Variants in FRMPD4 observed in about 807,000 individuals in gnomAD.
The protein encoded by FRMPD4 is FERM and PDZ domain containing 4.
Under a neutral mutation model 94.1 loss-of-function variants are expected in FRMPD4, and 22 were observed. The observed-to-expected ratio is 0.23, with a 90% confidence interval of 0.17 to 0.33. The LOEUF is 0.33. Ranked by LOEUF, FRMPD4 falls within the 10% of genes least tolerant of loss-of-function variation. The pLI is 1.00. For synonymous variants in FRMPD4, 631 were observed against 548.6 expected (o/e 1.15, Z -2.10); for missense variants, 1,111 against 1,339.9 (o/e 0.83, Z 2.67).
At chrX:11,962,856 A>T (rs2054290612) in intron 3 of FRMPD4, among the ~76,000 whole-genome samples, 1 of 111,687 alleles carries the variant, frequency 9.0e-6, no homozygotes, top group Non-Finnish European at 1.9e-5. Flanking sequence ...TACCTGGCAT[A>T]GCTCCTTTTG....
intron 2 of FRMPD4, among the ~76,000 whole-genome samples, chrX:12,540,186 G>A (rs1308836326): frequency 1.8e-5 from 2 of 111,752 alleles, no homozygotes; most frequent in Admixed American, 9.5e-5. Flanking sequence ...ATCAACTAAC[G>A]AGCAAAATAA....
chrX:12,019,933 G>A (rs1427247009), intron 3 of FRMPD4, among the ~76,000 whole-genome samples: 2 of 111,951 alleles, frequency 1.8e-5, no homozygotes, highest in Non-Finnish European at 3.8e-5. Context: ...TAATCCTCAC[G>A]ACAATCTGTG....
intron 1 of FRMPD4, among the ~76,000 whole-genome samples, chrX:11,848,399 G>C (rs2053595834): frequency 9.0e-6 from 1 of 111,561 alleles, no homozygotes; most frequent in African/African-American, 3.3e-5. Context: ...AGATTGGTCA[G>C]AAAGTTGTGC....
chrX:11,898,260 G>A (rs2053915289), intron 3 of FRMPD4, among the ~76,000 whole-genome samples: 1 of 111,373 alleles, frequency 9.0e-6, no homozygotes, highest in Non-Finnish European at 1.9e-5. Context: ...GCTTGGCATG[G>A]GGCAACCTGA....
In FRMPD4 at chrX:11,986,812, G is replaced by A. The variant is rs898220964; in HGVS notation, c.95+108794G>A. Among the ~76,000 whole-genome samples the A allele has an allele frequency of 3.6e-5, 4 of 109,780 alleles. No homozygotes were observed. In the South Asian group the frequency reaches 1.2e-3, roughly 32 times the overall value. ...ACTATATGCCAAATCTAGAGGAAAC[G>A]GATAAATTTCTAGACACATGCAACA... On this transcript the variant is annotated intron_variant, in intron 3 of 18. Coordinates refer to the FRMPD4 transcript ENST00000640291.
intron 1 of FRMPD4, among the ~76,000 whole-genome samples, chrX:12,451,317 T>C (rs1246279102): frequency 8.9e-6 from 1 of 111,960 alleles, no homozygotes; most frequent in African/African-American, 3.2e-5. Context: ...TAATGACACT[T>C]TCCTCTTTTT....
At chrX:12,560,574 G>A (rs2058644892) in intron 2 of FRMPD4, among the ~76,000 whole-genome samples, 1 of 107,746 alleles carries the variant, frequency 9.3e-6, no homozygotes, top group African/African-American at 3.4e-5. Context: ...GGAGCTTAAA[G>A]TTTTATTAGC....
chrX:11,993,498 G>C (rs888928302), intron 3 of FRMPD4, among the ~76,000 whole-genome samples: 2 of 112,079 alleles, frequency 1.8e-5, no homozygotes, highest in Admixed American at 1.9e-4. Context: ...ATGCACCCTG[G>C]TTGCAGGCAA....
intron 1 of FRMPD4, among the ~76,000 whole-genome samples, chrX:12,483,112 G>A (rs1371130725): frequency 5.3e-5 from 6 of 112,473 alleles, no homozygotes; most frequent in Non-Finnish European, 1.1e-4. Context: ...CTCTCTTGAA[G>A]AACAGGGTGG....
intron 1 of FRMPD4, among the ~76,000 whole-genome samples, chrX:12,328,201 G>T (rs2055317440): frequency 8.9e-6 from 1 of 112,067 alleles, no homozygotes; most frequent in Admixed American, 9.5e-5. Context: ...AAGTCCCTGG[G>T]TAATAATTTT....
intron 3 of FRMPD4, among the ~76,000 whole-genome samples, chrX:11,981,151 A>G (rs2054395234): frequency 8.9e-6 from 1 of 112,172 alleles, no homozygotes; most frequent in South Asian, 3.6e-4. Context: ...AATGTGTATG[A>G]TCCTAGCATG....
intron 2 of FRMPD4, among the ~76,000 whole-genome samples, chrX:12,602,697 T>G (rs2059095536): frequency 8.9e-6 from 1 of 112,063 alleles, no homozygotes; most frequent in Non-Finnish European, 1.9e-5. Flanking sequence ...GTAGCTGATC[T>G]AGGCTTGGGG....
At chrX:12,583,631 CGGCCCT>C in intron 2 of FRMPD4, 1 of 451,313 alleles carries the variant, frequency 2.2e-6, no homozygotes, top group African/African-American at 2.4e-5. Flanking sequence ...GCCCCGCCCC[CGGCCCT>C]GGCCAGGACC....
chrX:12,080,833 C>T (rs752768508), intron 3 of FRMPD4, among the ~76,000 whole-genome samples: 1 of 112,161 alleles, frequency 8.9e-6, no homozygotes, highest in South Asian at 3.7e-4. Context: ...TATGTTTCTT[C>T]AGCAACTCTG....
At chrX:12,525,820 T>C (rs1423289840) in intron 2 of FRMPD4, among the ~76,000 whole-genome samples, 1 of 112,003 alleles carries the variant, frequency 8.9e-6, no homozygotes, top group Non-Finnish European at 1.9e-5. Flanking sequence ...TTATAGCCAT[T>C]CTAGTGAGAG....
chrX:12,200,065 A>G (rs1471412764), intron 1 of FRMPD4, among the ~76,000 whole-genome samples: 3 of 111,471 alleles, frequency 2.7e-5, no homozygotes, highest in Non-Finnish European at 5.7e-5. Context: ...TGATGTTGTC[A>G]CCAGGAGCAA....
At position 11,951,059 on chromosome X, in the gene FRMPD4, C is replaced by CAAA. The variant is rs35673540; in HGVS notation, c.95+73060_95+73062dup. 5.8e-3 allele frequency among the ~76,000 whole-genome samples: 186 copies of CAAA among 32,247 alleles called. 2 individuals are homozygous for CAAA. The highest frequency in any genetic ancestry group is 0.021 in the African/African-American group (166 of 7,851). 28.0% of individuals were successfully genotyped at this position (32,247 alleles called of 115,157 possible). A position where few individuals can be genotyped will look rare whatever the true frequency, so the allele number is the denominator to read the frequency against. On this transcript the variant is annotated intron_variant, in intron 3 of 18. Transcript: ENST00000640291. Reference sequence around the variant, plus strand: ...TGGCAACAAGAGTGAAACTCCATCTCAAAAAAAAAAAAAAAAAAAAAGGAA... The same window carrying CAAA: ...TGGCAACAAGAGTGAAACTCCATCTCAAAAAAAAAAAAAAAAAAAAAAAAGGAA...
intron 1 of FRMPD4, among the ~76,000 whole-genome samples, chrX:12,257,252 C>T (rs1000398946): frequency 8.9e-6 from 1 of 111,815 alleles, no homozygotes; most frequent in African/African-American, 3.2e-5. Context: ...TGGGTGAGGA[C>T]ACTCTCTTGA....
intron 4 of FRMPD4, among the ~76,000 whole-genome samples, chrX:12,660,260 T>C (rs1325163641): frequency 8.9e-6 from 1 of 112,376 alleles, no homozygotes; most frequent in Non-Finnish European, 1.9e-5. Flanking sequence ...TTCTCTGCAA[T>C]TCAAATATTT....
Sources: gnomAD v4.1 joint callset for allele counts (sites outside exome capture counted in the v4.1 genomes callset) on GRCh38, gnomAD v4.1.1 for gene constraint, MANE v1.5 for transcripts, NCBI Gene and HGNC (gene_info 2026-07-23, HGNC 2026-07-21) for gene names.